Variants in ANKRD30B observed in about 807,000 individuals in gnomAD.
The protein encoded by ANKRD30B is ankyrin repeat domain-containing protein 30B.
ANKRD30B carries 144 observed loss-of-function variants against 202.2 expected under a neutral mutation model. The observed-to-expected ratio is 0.71, with a 90% confidence interval of 0.62 to 0.82. ANKRD30B has a LOEUF of 0.82. Ranked by LOEUF, ANKRD30B falls within the 40% of genes least tolerant of loss-of-function variation. The pLI, the probability that ANKRD30B is intolerant of heterozygous loss-of-function variation, is 0.00. For synonymous variants in ANKRD30B, 508 were observed against 561.3 expected, an observed-to-expected ratio of 0.91 and a Z score of 1.34; for missense variants, 1,487 against 1,669.1, an observed-to-expected ratio of 0.89 and a Z score of 1.90.
chr18:14,783,772 C>A (rs1322665126), intron 12 of ANKRD30B, among the ~76,000 whole-genome samples: 2 of 151,950 alleles, frequency 1.3e-5, no homozygotes, highest in Non-Finnish European at 2.9e-5. Context: ...AAGAAGCATT[C>A]AGATGGATAA....
the ANKRD30B span, among the ~76,000 whole-genome samples, chr18:14,898,901 C>T: frequency 1.3e-5 from 2 of 152,134 alleles, no homozygotes; most frequent in Admixed American, 6.5e-5. Flanking sequence ...GGCCCTTTCT[C>T]ATACAGTATG....
the ANKRD30B span, among the ~76,000 whole-genome samples, chr18:14,885,796 T>A: frequency 6.6e-6 from 1 of 151,932 alleles, no homozygotes; most frequent in Non-Finnish European, 1.5e-5. Context: ...ATTTTTATAT[T>A]ATAATTTATA....
the ANKRD30B span, among the ~76,000 whole-genome samples, chr18:14,928,422 G>C: frequency 2.0e-5 from 3 of 152,180 alleles, no homozygotes; most frequent in Non-Finnish European, 4.4e-5. Context: ...TGCCTTTCCC[G>C]ATGTGGCTTG....
chr18:14,775,940 T>C (rs1246845737), intron 9 of ANKRD30B, among the ~76,000 whole-genome samples: 13 of 152,248 alleles, frequency 8.5e-5, no homozygotes, highest in Non-Finnish European at 7.3e-5. Flanking sequence ...TAGTTGCATG[T>C]GATGAAATAA....
chr18:14,841,166 A>G (rs1004520622), intron 37 of ANKRD30B, among the ~76,000 whole-genome samples: 4 of 152,332 alleles, frequency 2.6e-5, no homozygotes, highest in Non-Finnish European at 5.9e-5. Context: ...GCACCTGACC[A>G]TGGAGAGTTG....
chr18:14,760,785 A>AT (rs1261568602), intron 6 of ANKRD30B, among the ~76,000 whole-genome samples, 167 bp downstream of exon 6: 3 of 152,068 alleles, frequency 2.0e-5, no homozygotes, highest in Non-Finnish European at 4.4e-5. Flanking sequence ...GCTTTGATTT[A>AT]TTTTTTAAAT....
the ANKRD30B span, among the ~76,000 whole-genome samples, chr18:14,929,759 A>G: frequency 1.3e-5 from 2 of 152,068 alleles, no homozygotes; most frequent in Non-Finnish European, 2.9e-5. Context: ...TGGTGGGTGG[A>G]TAACAACGGC....
downstream of ANKRD30B, among the ~76,000 whole-genome samples, chr18:14,854,963 TG>T: frequency 6.6e-6 from 1 of 152,048 alleles, no homozygotes; most frequent in East Asian, 1.9e-4. Flanking sequence ...GAGGGGGATG[TG>T]GCAGGGTCAT....
chr18:14,855,558 A>T (rs1175899590), downstream of ANKRD30B, among the ~76,000 whole-genome samples: 2 of 125,806 alleles, frequency 1.6e-5, no homozygotes, highest in Non-Finnish European at 3.4e-5. Flanking sequence ...AGATGGGGCA[A>T]CCAGGCAAGA....
At chr18:14,928,112 C>A in the ANKRD30B span, among the ~76,000 whole-genome samples, 1 of 152,096 alleles carries the variant, frequency 6.6e-6, no homozygotes, top group Non-Finnish European at 1.5e-5. Flanking sequence ...GGATTACAGG[C>A]ACCTGCCACC....
intron 9 of ANKRD30B, among the ~76,000 whole-genome samples, chr18:14,773,871 A>G (rs1019454249): frequency 2.6e-5 from 4 of 152,020 alleles, no homozygotes; most frequent in South Asian, 2.1e-4. Context: ...GGCCAGGATG[A>G]TCTCTATCTC....
At chr18:14,833,000 G>A (rs1431301675) in intron 34 of ANKRD30B, among the ~76,000 whole-genome samples, 3 of 148,354 alleles carry the variant, frequency 2.0e-5, no homozygotes, top group Admixed American at 6.7e-5. Flanking sequence ...GCAGTGGCGT[G>A]ATCTCGGCTG....
chr18:14,838,663 G>A (rs1442532255), intron 36 of ANKRD30B, among the ~76,000 whole-genome samples: 1 of 152,196 alleles, frequency 6.6e-6, no homozygotes, highest in Admixed American at 6.5e-5. Flanking sequence ...GGTAGAAGCA[G>A]CAGCTGCATA....
At chr18:14,874,444 A>T in the ANKRD30B span, among the ~76,000 whole-genome samples, 1 of 152,216 alleles carries the variant, frequency 6.6e-6, no homozygotes, top group Non-Finnish European at 1.5e-5. Context: ...GAGTAATTCT[A>T]AGGAACAAAT....
At chr18:14,806,404 G>T (rs952524052) in intron 24 of ANKRD30B, among the ~76,000 whole-genome samples, 6 of 150,826 alleles carry the variant, frequency 4.0e-5, no homozygotes, top group African/African-American at 9.8e-5. Flanking sequence ...ATGCAAGGAT[G>T]CACAGCCATA....
chr18:14,835,112 T>C (rs1174938357), intron 34 of ANKRD30B, among the ~76,000 whole-genome samples: 3 of 151,866 alleles, frequency 2.0e-5, no homozygotes, highest in Admixed American at 6.5e-5. Flanking sequence ...TTATTTAAAC[T>C]TGTTATTAAA....
At chr18:14,818,594 T>G (rs371377487) in intron 30 of ANKRD30B, among the ~76,000 whole-genome samples, 4 of 146,848 alleles carry the variant, frequency 2.7e-5, no homozygotes, top group South Asian at 2.2e-4. Flanking sequence ...TCCCACCTAT[T>G]AGTGAGAATA....
the ANKRD30B span, among the ~76,000 whole-genome samples, chr18:14,872,005 T>A: frequency 6.6e-6 from 1 of 151,998 alleles, no homozygotes; most frequent in South Asian, 2.1e-4. Context: ...CACACACTAT[T>A]TGAGGCAGGT....
chr18:14,917,346 C>G, the ANKRD30B span, among the ~76,000 whole-genome samples: 2 of 152,040 alleles, frequency 1.3e-5, no homozygotes, highest in Non-Finnish European at 2.9e-5. Flanking sequence ...TCTCTTTTCC[C>G]CACTGTGTGT....
Sources: allele counts gnomAD v4.1 joint callset (sites outside exome capture counted in the v4.1 genomes callset), GRCh38; gene constraint gnomAD v4.1.1; transcripts MANE v1.5; gene names NCBI Gene and HGNC (gene_info 2026-07-23, HGNC 2026-07-21).